ATXN10: variants seen among roughly 807,000 people sequenced by gnomAD.
ATXN10 encodes the protein ataxin-10.
ATXN10 carries 28 observed loss-of-function variants against 52.9 expected under a neutral mutation model. That is an observed-to-expected ratio of 0.53 (90% CI 0.39 to 0.73). The LOEUF is 0.73. Ranked by LOEUF, ATXN10 falls within the 30% of genes least tolerant of loss-of-function variation. The pLI is 0.00. For synonymous variants in ATXN10, 226 were observed against 221.5 expected (o/e 1.02, Z -0.18); for missense variants, 565 against 577.0 (o/e 0.98, Z 0.21).
intron 9 of ATXN10, among the ~76,000 whole-genome samples, chr22:45,801,148 T>C (rs980859607): frequency 6.6e-6 from 1 of 152,246 alleles, no homozygotes; most frequent in Non-Finnish European, 1.5e-5. Context: ...TGTTTGGCTT[T>C]GGGGAGATCA....
At chr22:45,724,974 GC>G (rs1298840976) in intron 6 of ATXN10, among the ~76,000 whole-genome samples, 1 of 151,988 alleles carries the variant, frequency 6.6e-6, no homozygotes, top group African/African-American at 2.4e-5. Flanking sequence ...TAAGTATTTG[GC>G]CTTATTTCTG....
chr22:45,712,509 A>G lies in ATXN10; in HGVS notation c.648-5904A>G, dbSNP rs1463016159. Among the ~76,000 whole-genome samples the G allele has an allele frequency of 6.6e-6, 1 of 152,212 alleles. No homozygotes were observed. The highest frequency in any genetic ancestry group is 1.5e-5 in the Non-Finnish European group (1 of 68,038). On this transcript the variant is annotated intron_variant, in intron 5 of 11. Transcript: ENST00000252934. This position sits in a 1 kb window ranked among gnomAD's most constrained non-coding sequence, Gnocchi z 4.6. ...ACAGCGTAGCCAGTGTCACACTGCC[A>G]GTGAGTGTTGGGCTGAGACTCAAAC...
rs1926120430 is a variant in ATXN10 at position 45,754,917 on chromosome 22, C to G, written c.1173+14379C>G. Among the ~76,000 whole-genome samples the G allele has an allele frequency of 6.6e-6, 1 of 152,204 alleles. No homozygotes were observed. Among genetic ancestry groups the G allele is most frequent in the Non-Finnish European group, 1.5e-5 (1 of 68,040 alleles). ...GCAGGCAGCCACCATGAAGGGGTGC[C>G]AAGAGTATGAGAAGCATGAGGTCCA... is the stretch of plus-strand genomic sequence containing the variant. On this transcript the variant is annotated intron_variant, in intron 9 of 11. Coordinates refer to ENST00000252934, the MANE Select transcript of ATXN10 (RefSeq NM_013236.4). This position sits in a 1 kb window ranked among gnomAD's most constrained non-coding sequence, Gnocchi z 5.4.
chr22:45,764,031 G>A (rs1006125185), intron 9 of ATXN10, among the ~76,000 whole-genome samples: 17 of 152,092 alleles, frequency 1.1e-4, no homozygotes, highest in Admixed American at 3.3e-4. Flanking sequence ...CGGCCTCTCC[G>A]GCAGCCTCTC....
In ATXN10 at chr22:45,833,942, C is replaced by T. The variant is rs937007370; in HGVS notation, c.1238-9049C>T. ...ACCTTGAACACATCCAGTTGCGGGACCTTGGCCATGTTCGCCTCTGTGTCT... is the reference window on the plus strand; with the variant it reads ...ACCTTGAACACATCCAGTTGCGGGATCTTGGCCATGTTCGCCTCTGTGTCT... On this transcript the variant is annotated intron_variant, in intron 10 of 11. Coordinates refer to ENST00000252934, the MANE Select transcript of ATXN10 (RefSeq NM_013236.4). This position sits in a 1 kb window ranked among gnomAD's most constrained non-coding sequence, Gnocchi z 4.3. Among the ~76,000 whole-genome samples, 3 of 152,166 alleles carry T rather than the reference C, an allele frequency of 2.0e-5. No homozygotes were observed. Among genetic ancestry groups the T allele is most frequent in the Non-Finnish European group, 2.9e-5 (2 of 68,036 alleles).
intron 10 of ATXN10, chr22:45,811,884 C>G (rs753750231): frequency 2.3e-5 from 10 of 434,836 alleles, no homozygotes; most frequent in Non-Finnish European, 4.7e-5. Flanking sequence ...CCCCACACCA[C>G]CTTGCATAAG....
rs1291396512 is a variant in ATXN10 at position 45,818,554 on chromosome 22, C to A, written c.1237+11532C>A. Among the ~76,000 whole-genome samples the A allele has an allele frequency of 6.6e-6, 1 of 152,136 alleles. No homozygotes were observed. The highest frequency in any genetic ancestry group is 1.5e-5 in the Non-Finnish European group (1 of 68,024). ...TCTCAGTGTGAGCCATGTGGGCGGTCCTTTTTGGTTTGAAGGTGACCACCC... is the reference window on the plus strand; with the variant it reads ...TCTCAGTGTGAGCCATGTGGGCGGTACTTTTTGGTTTGAAGGTGACCACCC... On this transcript the variant is annotated intron_variant, in intron 10 of 11. Coordinates refer to ENST00000252934, the MANE Select transcript of ATXN10 (RefSeq NM_013236.4). The surrounding 1 kb of genome is among the most constrained non-coding windows in gnomAD (Gnocchi z 4.6).
At position 45,837,643 on chromosome 22, in the gene ATXN10, G is replaced by T. The variant is rs1206277578; in HGVS notation, c.1238-5348G>T. 6.6e-6 allele frequency among the ~76,000 whole-genome samples: 1 copy of T among 152,196 alleles called. No homozygotes were observed. Among genetic ancestry groups the T allele is most frequent in the Admixed American group, 6.5e-5 (1 of 15,274 alleles). On this transcript the variant is annotated intron_variant, in intron 10 of 11. Transcript: ENST00000252934. This position sits in a 1 kb window ranked among gnomAD's most constrained non-coding sequence, Gnocchi z 5.8. Reference sequence around the variant, plus strand: ...AGTTGGCACACCTTTTCTGTGAAGGGCCACATAGTAAATATTTTGGCTTTG... The same window carrying T: ...AGTTGGCACACCTTTTCTGTGAAGGTCCACATAGTAAATATTTTGGCTTTG...
chr22:45,733,262 T>C lies in ATXN10; in HGVS notation c.894+3672T>C, dbSNP rs1232159148. ...TTTGCAACCCCAGGTTAGGCCATACTGTAGTACCTGTTATGCAGTAGGTAT... is the reference window on the plus strand; with the variant it reads ...TTTGCAACCCCAGGTTAGGCCATACCGTAGTACCTGTTATGCAGTAGGTAT... On this transcript the variant is annotated intron_variant, in intron 7 of 11. Transcript: ENST00000252934. The surrounding 1 kb of genome is among the most constrained non-coding windows in gnomAD (Gnocchi z 4.4). 1.3e-5 allele frequency among the ~76,000 whole-genome samples: 2 copies of C among 152,266 alleles called. No homozygotes were observed. The highest frequency in any genetic ancestry group is 4.8e-5 in the African/African-American group (2 of 41,474).
At chr22:45,821,941 G>C (rs5765641) in intron 10 of ATXN10, among the ~76,000 whole-genome samples, 1 of 152,208 alleles carries the variant, frequency 6.6e-6, no homozygotes, top group African/African-American at 2.4e-5. Flanking sequence ...AACACTGCCA[G>C]CCTTCCCTGA....
intron 10 of ATXN10, among the ~76,000 whole-genome samples, chr22:45,809,642 G>C (rs1041201277): frequency 3.3e-5 from 5 of 152,080 alleles, no homozygotes; most frequent in Non-Finnish European, 7.4e-5. Context: ...GTTCCCTGTT[G>C]CCCACGCTGT....
chr22:45,807,716 A>G (rs1288458558), intron 10 of ATXN10, among the ~76,000 whole-genome samples: 1 of 152,212 alleles, frequency 6.6e-6, no homozygotes, highest in Non-Finnish European at 1.5e-5. Context: ...TAGATTTGAG[A>G]TAAAACCTAC....
chr22:45,844,606 G>C lies in ATXN10; in HGVS notation c.*935G>C, dbSNP rs1211748551. On this transcript the variant is annotated 3_prime_UTR_variant, in exon 12 of 12. Transcript: ENST00000252934. ...CTGTTCATCTATCTATCTGTCTGCT[G>C]TATGAGAGGTAGGACTGGATTAAAT... 2 of 152,178 alleles carry C rather than the reference G, an allele frequency of 1.3e-5. No individual in the cohort carries two copies. Among genetic ancestry groups the C allele is most frequent in the Non-Finnish European group, 2.9e-5 (2 of 68,032 alleles). The allele number at this position is 152,178 out of a possible 1,614,324, so 9.4% of individuals were successfully genotyped here.
intron 5 of ATXN10, among the ~76,000 whole-genome samples, chr22:45,717,049 C>T (rs977200921): frequency 6.6e-6 from 1 of 152,014 alleles, no homozygotes. Flanking sequence ...GCTGTTCTTT[C>T]CTTCTTGCTG....
rs9614522 is a variant in ATXN10 at position 45,834,000 on chromosome 22, C to T, written c.1238-8991C>T. Among the ~76,000 whole-genome samples the T allele has an allele frequency of 0.021, 3,240 of 152,304 alleles. 44 individuals carry two copies. Among genetic ancestry groups the T allele is most frequent in the Non-Finnish European group, 0.033 (2,239 of 68,008 alleles). On this transcript the variant is annotated intron_variant, in intron 10 of 11. Coordinates refer to ENST00000252934, the MANE Select transcript of ATXN10 (RefSeq NM_013236.4). The surrounding 1 kb of genome is among the most constrained non-coding windows in gnomAD (Gnocchi z 4.3). The stretch of plus-strand genomic sequence containing the variant: ...CTCATCAGTAGAATGAGGATAGTAA[C>T]GAACATCTACCGCATAGAGAGTTTG...
At chr22:45,804,813 C>A (rs761577343) in intron 9 of ATXN10, among the ~76,000 whole-genome samples, 2 of 152,112 alleles carry the variant, frequency 1.3e-5, no homozygotes, top group Non-Finnish European at 2.9e-5. Flanking sequence ...CTGTTTCCTC[C>A]ACCCCATTCT....
At chr22:45,778,678 T>A (rs1418668530) in intron 9 of ATXN10, among the ~76,000 whole-genome samples, 1 of 152,154 alleles carries the variant, frequency 6.6e-6, no homozygotes, top group Admixed American at 6.5e-5. Flanking sequence ...AAATTAGGAT[T>A]CTCCATTAAG....
chr22:45,824,222 C>T lies in ATXN10; in HGVS notation c.1237+17200C>T, dbSNP rs1179564062. Among the ~76,000 whole-genome samples, 4 of 152,184 alleles carry T rather than the reference C, an allele frequency of 2.6e-5. No homozygotes were observed. Among genetic ancestry groups the T allele is most frequent in the Non-Finnish European group, 5.9e-5 (4 of 68,032 alleles). ...TGCCCCTGCAGCTCACAGAGACCTGCACATACTGTTCCTCTCACTGGAGTT... is the reference window on the plus strand; with the variant it reads ...TGCCCCTGCAGCTCACAGAGACCTGTACATACTGTTCCTCTCACTGGAGTT... On this transcript the variant is annotated intron_variant, in intron 10 of 11. Coordinates refer to ENST00000252934, the MANE Select transcript of ATXN10 (RefSeq NM_013236.4). This position sits in a 1 kb window ranked among gnomAD's most constrained non-coding sequence, Gnocchi z 5.2.
chr22:45,675,559 C>T (rs1422112448), intron 1 of ATXN10: 1 of 152,276 alleles, frequency 6.6e-6, no homozygotes, highest in Non-Finnish European at 1.5e-5. Context: ...CTCAAGCATC[C>T]ATATGCAGAG....
Sources: allele counts gnomAD v4.1 joint callset (sites outside exome capture counted in the v4.1 genomes callset), GRCh38; gene constraint gnomAD v4.1.1; non-coding constraint Gnocchi (gnomAD v3.1); transcripts MANE v1.5; gene names NCBI Gene and HGNC (gene_info 2026-07-23, HGNC 2026-07-21).